SPTB: variants seen among roughly 807,000 people sequenced by gnomAD.
The protein encoded by SPTB is spectrin beta, erythrocytic, also known as spectrin beta chain, erythrocytic.
A neutral mutation model predicts 256.2 loss-of-function variants in SPTB; 45 were observed. The ratio of observed to expected loss-of-function variants is 0.18; its 90% CI spans 0.14 to 0.23. SPTB has a LOEUF of 0.23. Among genes scored for constraint, SPTB ranks in the 10% least tolerant of loss-of-function variants. The pLI is 1.00. For missense variants in SPTB, 2,715 were observed against 3,040.4 expected (o/e 0.89, Z 2.52); for synonymous variants, 1,231 against 1,243.1 (o/e 0.99, Z 0.21).
Position 64,786,772 on chromosome 14 carries a change from C to T in SPTB, c.3193G>A (p.Ala1065Thr), listed in dbSNP as rs2082578008. ...DLLGEVSQLQ[A>T]FLQDLDDFQA... ...AAGTCATCCAGATCCTGCAGGAAGG[C>T]CTGCAGCTGGCTGACTTCCCCCAGC... The change falls in exon 16 of 36, where the codon GCC (alanine) becomes ACC (threonine). Residue 1065 changes from alanine (A) to threonine (T), a missense_variant. By Grantham distance (58) the Ala-to-Thr change is moderately conservative. Coordinates refer to ENST00000644917, the MANE Select transcript of SPTB (RefSeq NM_001355436.2). The surrounding 1 kb of genome is among the most constrained non-coding windows in gnomAD (Gnocchi z 5.6). 3 of 1,613,954 alleles carry T rather than the reference C, an allele frequency of 1.9e-6. No homozygotes were observed. Among genetic ancestry groups the T allele is most frequent in the South Asian group, 1.1e-5 (1 of 91,090 alleles).
At chr14:64,799,571 T>G (rs939431817) in intron 9 of SPTB, among the ~76,000 whole-genome samples, 176 bp downstream of exon 9, 8 of 152,230 alleles carry the variant, frequency 5.3e-5, no homozygotes, top group African/African-American at 1.9e-4. Context: ...TCTAAGCTGA[T>G]GGCTTGGGAG....
In SPTB at chr14:64,782,280, A is replaced by G. The variant is rs766519983; in HGVS notation, c.4266+10T>C. 1 of 1,614,102 alleles carries G rather than the reference A, an allele frequency of 6.2e-7. No homozygotes were observed. On this transcript the variant is annotated intron_variant, in intron 20 of 35. Transcript: ENST00000644917. ...TCCTAACACTCTGAGTCTACAACCC[A>G]CTCACGTGCCTTCAGCTTAGCCAAC...
At chr14:64,799,085 G>A (rs937931636) in intron 9 of SPTB, among the ~76,000 whole-genome samples, 2 of 150,878 alleles carry the variant, frequency 1.3e-5, no homozygotes, top group African/African-American at 5.0e-5. Context: ...ATAGTTAGGT[G>A]TATGTGTATG....
At chr14:64,835,927 C>T (rs1410015512) in intron 1 of SPTB, among the ~76,000 whole-genome samples, 1 of 152,194 alleles carries the variant, frequency 6.6e-6, no homozygotes, top group East Asian at 1.9e-4. Context: ...CTTAATGACT[C>T]TGTATCTCAG....
chr14:64,848,535 A>C (rs914448810), intron 1 of SPTB, among the ~76,000 whole-genome samples: 1 of 152,218 alleles, frequency 6.6e-6, no homozygotes, highest in African/African-American at 2.4e-5. Flanking sequence ...GAGGCACAAT[A>C]AACCTCTGAT....
chr14:64,763,489 G>A (rs1372642849), intron 32 of SPTB, among the ~76,000 whole-genome samples: 1 of 152,246 alleles, frequency 6.6e-6, no homozygotes, highest in Non-Finnish European at 1.5e-5. Context: ...CAGGCAAGAG[G>A]AAAGTGGTGA....
At chr14:64,815,999 C>G (rs1179980251) in intron 2 of SPTB, among the ~76,000 whole-genome samples, 1 of 152,230 alleles carries the variant, frequency 6.6e-6, no homozygotes, top group Non-Finnish European at 1.5e-5. Flanking sequence ...CAAGCTAGCT[C>G]AAACAGCGTC....
chr14:64,879,334 A>G (rs749866816), intron 1 of SPTB, among the ~76,000 whole-genome samples: 6 of 152,186 alleles, frequency 3.9e-5, no homozygotes, highest in Admixed American at 6.5e-5. Flanking sequence ...CAAGTTCCCC[A>G]GAAGAGGGAT....
In SPTB at chr14:64,767,865, AG is replaced by A; in HGVS notation, c.6023-7del. The A allele has an allele frequency of 1.2e-6, 2 of 1,613,504 alleles. No individual in the cohort carries two copies. The highest frequency in any genetic ancestry group is 1.7e-6 in the Non-Finnish European group (2 of 1,179,852). On this transcript the variant is annotated splice_region_variant and splice_polypyrimidine_tract_variant and intron_variant, in intron 29 of 35. Transcript: ENST00000644917. ...GAACTGGCACACCTCCAGCACTGCC[AG>A]GGGGAACAGGACACAGACCCCCCAC...
At position 64,753,791 on chromosome 14, in the gene SPTB, C is replaced by T. The variant is rs745368836; in HGVS notation, c.6348G>A (p.Gly2116=). The part of the protein sequence containing the change: ...HHAATERTSP[G]EEEGTWPQNL... ...TCTGAGGCCACGTTCCCTCTTCTTC[C>T]CCCTGCTCAGGGCATAGGGAGGAGC... Residue 2116 remains glycine, a splice_region_variant and synonymous_variant, in exon 33 of 36, where the codon GGG becomes GGA. Transcript: ENST00000644917. 3.1e-6 allele frequency: 5 copies of T among 1,612,948 alleles called. No individual in the cohort carries two copies. The highest frequency in any genetic ancestry group is 4.2e-6 in the Non-Finnish European group (5 of 1,180,026).
intron 1 of SPTB, among the ~76,000 whole-genome samples, chr14:64,828,428 C>CA (rs1429888818): frequency 6.6e-6 from 1 of 152,198 alleles, no homozygotes; most frequent in East Asian, 1.9e-4. Context: ...CAGTATCTAT[C>CA]AGCACTTCAC....
At chr14:64,761,815 G>T (rs937872280) in intron 32 of SPTB, among the ~76,000 whole-genome samples, 2 of 152,174 alleles carry the variant, frequency 1.3e-5, no homozygotes, top group Non-Finnish European at 2.9e-5. Context: ...GCATTTGAAA[G>T]ATTAGAGAGA....
chr14:64,794,579 C>T lies in SPTB; in HGVS notation c.1683G>A (p.Leu561=), dbSNP rs2082732911. 6.2e-7 allele frequency: 1 copy of T among 1,614,064 alleles called. No homozygotes were observed. Among genetic ancestry groups the T allele is most frequent in the African/African-American group, 1.3e-5 (1 of 74,906 alleles). ...GCTTCTGTAGCAGGTCTTCAACCTC[C>T]AACAAGTGCTTCCCAAACTCGGCAG... ...LLSAEFGKHL[L]EVEDLLQKHK... is the part of the protein sequence containing the mutation. The change falls in exon 13 of 36, where the codon TTG becomes TTA. Residue 561 remains leucine (L), a synonymous_variant. Transcript: ENST00000644917.
At chr14:64,804,849 G>T in intron 3 of SPTB, 90 bp downstream of exon 3, 1 of 1,543,458 alleles carries the variant, frequency 6.5e-7, no homozygotes, top group East Asian at 2.2e-5. Context: ...AAACTGGGAA[G>T]GCCAGGAGAA....
At chr14:64,798,982 G>A (rs530264712) in intron 9 of SPTB, among the ~76,000 whole-genome samples, 2 of 152,158 alleles carry the variant, frequency 1.3e-5, no homozygotes, top group Non-Finnish European at 2.9e-5. Context: ...CACATGCATG[G>A]TTGTATATAT....
At chr14:64,865,207 T>C (rs1882094868) in intron 1 of SPTB, among the ~76,000 whole-genome samples, 1 of 151,970 alleles carries the variant, frequency 6.6e-6, no homozygotes. Flanking sequence ...ACTGTAATGA[T>C]CACTTGCCAA....
At chr14:64,811,026 G>A (rs1307537513) in intron 2 of SPTB, among the ~76,000 whole-genome samples, 1 of 152,024 alleles carries the variant, frequency 6.6e-6, no homozygotes, top group African/African-American at 2.4e-5. Flanking sequence ...TGAGGTAGGA[G>A]GATCACTTGA....
rs1470513107 is a variant in SPTB, at chr14:64,796,400, C to T, written c.1341+157G>A. Among the ~76,000 whole-genome samples, 3 of 152,176 alleles carry T rather than the reference C, an allele frequency of 2.0e-5. No homozygotes were observed. Among genetic ancestry groups the T allele is most frequent in the Non-Finnish European group, 4.4e-5 (3 of 68,034 alleles). ...TTTAATAAATCCTGGAGAGCTCCTC[C>T]CCAGATGCAAATCTTGATCCACTGG... On this transcript the variant is annotated intron_variant, in intron 11 of 35. Transcript: ENST00000644917. The surrounding 1 kb of genome is among the most constrained non-coding windows in gnomAD (Gnocchi z 4.1).
At position 64,769,515 on chromosome 14, in the gene SPTB, T is replaced by A. The variant is rs75706807; in HGVS notation, c.5937+75A>T. 1,614 of 1,589,376 alleles carry A rather than the reference T, an allele frequency of 1.0e-3. 16 individuals are homozygous for A. The African/African-American group carries it at 0.017, about 17-fold the overall frequency. ...AGAAAAGCTGCAGCTCTCATCTCCC[T>A]CCCAGGAGGCTGCCTGGCTGGCACA... On this transcript the variant is annotated intron_variant, in intron 28 of 35. Transcript: ENST00000644917.
Sources: allele counts gnomAD v4.1 joint callset (sites outside exome capture counted in the v4.1 genomes callset), GRCh38; gene constraint gnomAD v4.1.1; non-coding constraint Gnocchi (gnomAD v3.1); transcripts MANE v1.5; gene names NCBI Gene and HGNC (gene_info 2026-07-23, HGNC 2026-07-21).